Variants in ABI3BP observed in about 807,000 individuals in gnomAD.
ABI3BP encodes the protein ABI family member 3 binding protein.
In ABI3BP, 216 loss-of-function variants were observed where a neutral mutation model predicts 268.6. That is an observed-to-expected ratio of 0.80 (90% CI 0.72 to 0.90). The LOEUF (loss-of-function observed/expected upper bound fraction) is 0.90, where lower values mean the gene tolerates loss of function less well. ABI3BP is among the 40% of genes least tolerant of loss of function. The pLI, the probability that ABI3BP is intolerant of heterozygous loss-of-function variation, is 0.00. For synonymous variants in ABI3BP, 730 were observed against 730.0 expected (o/e 1.00, Z 0.00); for missense variants, 2,090 against 2,182.4 (o/e 0.96, Z 0.84).
At chr3:100,947,251 GA>G (rs1388292318) in intron 1 of ABI3BP, among the ~76,000 whole-genome samples, 1 of 152,118 alleles carries the variant, frequency 6.6e-6, no homozygotes, top group Non-Finnish European at 1.5e-5. Flanking sequence ...GTGAGAAAAA[GA>G]AAGTCAAAGT....
chr3:100,753,041 C>CT (rs151209127), intron 65 of ABI3BP, 93 bp from the exon 66 acceptor site: 2 of 1,205,780 alleles, frequency 1.7e-6, no homozygotes, highest in Admixed American at 2.6e-5. Context: ...TTGCTGATAC[C>CT]TTTTTTTCCC....
chr3:100,810,338 G>T, intron 49 of ABI3BP, 74 bp downstream of exon 49: 1 of 1,295,380 alleles, frequency 7.7e-7, no homozygotes, highest in Non-Finnish European at 1.1e-6. Flanking sequence ...CAGGGCCTCT[G>T]ATATCTTGAG....
Position 100,838,425 on chromosome 3 carries a change from G to C in ABI3BP, c.1985C>G (p.Pro662Arg), listed in dbSNP as rs139646476. The C allele has an allele frequency of 2.0e-6, 3 of 1,535,742 alleles. No homozygotes were observed. Among genetic ancestry groups the C allele is most frequent in the East Asian group, 4.9e-5 (2 of 40,894 alleles). The change falls in exon 25 of 68, where the codon CCA becomes CGA. Residue 662 changes from proline to arginine, a missense_variant. Coordinates refer to ENST00000471714, the MANE Select transcript of ABI3BP (RefSeq NM_001375547.2). Reference sequence around the variant, plus strand: ...ACCAGGCTGAATTTGAGGTGCATCTGGTCTGTGTGTGGTTTTAGGTCTCTC... The same window carrying C: ...ACCAGGCTGAATTTGAGGTGCATCTCGTCTGTGTGTGGTTTTAGGTCTCTC... ...PSERPKTTHRPDAPQIQPGSK... is the reference protein window; with the variant it reads ...PSERPKTTHRRDAPQIQPGSK...
At chr3:100,864,692 A>G in intron 11 of ABI3BP, 141 bp downstream of exon 11, 2 of 638,856 alleles carry the variant, frequency 3.1e-6, no homozygotes, top group Non-Finnish European at 5.4e-6. Flanking sequence ...AGGAAGGTTA[A>G]CCACTGCCAG....
chr3:100,781,845 G>A (rs2096873948), intron 57 of ABI3BP, among the ~76,000 whole-genome samples: 1 of 152,118 alleles, frequency 6.6e-6, no homozygotes, highest in Non-Finnish European at 1.5e-5. Flanking sequence ...AACCGTCTGT[G>A]TGTGGAATAT....
At chr3:100,976,676 G>T (rs1375576060) in intron 1 of ABI3BP, among the ~76,000 whole-genome samples, 1 of 152,224 alleles carries the variant, frequency 6.6e-6, no homozygotes, top group Non-Finnish European at 1.5e-5. Flanking sequence ...CATGGCATAA[G>T]TTTCAAGATG....
At chr3:100,894,595 A>G (rs1405542853) in intron 4 of ABI3BP, among the ~76,000 whole-genome samples, 1 of 152,140 alleles carries the variant, frequency 6.6e-6, no homozygotes, top group African/African-American at 2.4e-5. Flanking sequence ...AAAAGGCAAG[A>G]GAGTCTGCTC....
chr3:100,782,313 C>T (rs890730128), intron 57 of ABI3BP, among the ~76,000 whole-genome samples: 10 of 152,084 alleles, frequency 6.6e-5, no homozygotes, highest in Non-Finnish European at 1.2e-4. Flanking sequence ...TTACATTATA[C>T]GTAAGACCAA....
At chr3:100,751,410 C>A (rs950850873) in intron 67 of ABI3BP, 142 bp downstream of exon 67, 88 of 885,964 alleles carry the variant, frequency 9.9e-5, no homozygotes, top group Non-Finnish European at 1.2e-4. Context: ...GAGAAACTTA[C>A]ATTGAAGTCT....
At position 100,914,184 on chromosome 3, in the gene ABI3BP, A is replaced by T. The variant is rs182628883; in HGVS notation, c.260-11498T>A. On this transcript the variant is annotated intron_variant, in intron 2 of 67. Transcript: ENST00000471714. ...GTATGTTTTCATGTGGAAAAAAAAA[A>T]CTTTTCCTTCTTTGCCTGAAAAATA... Among the ~76,000 whole-genome samples the T allele has an allele frequency of 2.4e-3, 369 of 152,294 alleles. 1 individual carries two copies. The highest frequency in any genetic ancestry group is 8.4e-3 in the African/African-American group (349 of 41,552).
chr3:100,886,066 A>C, intron 5 of ABI3BP, 76 bp downstream of exon 5: 1 of 1,141,608 alleles, frequency 8.8e-7, no homozygotes, highest in African/African-American at 1.6e-5. Flanking sequence ...TATACAATGA[A>C]TAACATAATT....
chr3:100,912,966 G>A (rs567405559), intron 2 of ABI3BP, among the ~76,000 whole-genome samples: 72 of 152,308 alleles, frequency 4.7e-4, no homozygotes, highest in African/African-American at 1.6e-3. Flanking sequence ...GGTAGATGAA[G>A]GGGAGAAGGG....
intron 30 of ABI3BP, 86 bp downstream of exon 30, chr3:100,833,039 A>G (rs1560572664): frequency 3.5e-6 from 4 of 1,146,486 alleles, no homozygotes; most frequent in Non-Finnish European, 4.9e-6. Context: ...ACAACAAAAG[A>G]TGGTACAATA....
At chr3:100,980,602 G>A (rs1019501265) in intron 1 of ABI3BP, among the ~76,000 whole-genome samples, 9 of 152,346 alleles carry the variant, frequency 5.9e-5, no homozygotes, top group African/African-American at 1.7e-4. Flanking sequence ...TGGGAAAGAA[G>A]AGGGTTGTAA....
intron 1 of ABI3BP, among the ~76,000 whole-genome samples, chr3:100,943,238 T>C (rs1465772099): frequency 2.6e-5 from 4 of 152,112 alleles, no homozygotes; most frequent in African/African-American, 9.7e-5. Context: ...ATTCCTGTCT[T>C]ACTCATTTAT....
chr3:100,835,559 G>A, intron 28 of ABI3BP, 42 bp downstream of exon 28: 1 of 1,440,052 alleles, frequency 6.9e-7, no homozygotes, highest in Non-Finnish European at 9.4e-7. Flanking sequence ...ACTAGACAAT[G>A]AGCAGAAAAA....
chr3:100,810,345 TGA>T, intron 49 of ABI3BP, 65 bp downstream of exon 49: 2 of 1,360,644 alleles, frequency 1.5e-6, no homozygotes, highest in South Asian at 1.3e-5. Context: ...TCTGATATCT[TGA>T]GGTGACCATA....
chr3:100,993,398 C>G lies in ABI3BP; in HGVS notation c.-14G>C. On this transcript the variant is annotated 5_prime_UTR_variant, in exon 1 of 68. Coordinates refer to ENST00000471714, the MANE Select transcript of ABI3BP (RefSeq NM_001375547.2). ...ACTGGAGAGCATGTTGCATTTGCCA[C>G]CTCGCATGGGGAATGATGCTGGTGG... 8.4e-6 allele frequency: 13 copies of G among 1,551,736 alleles called. No individual in the cohort carries two copies. The highest frequency in any genetic ancestry group is 1.0e-5 in the Non-Finnish European group (12 of 1,146,836).
chr3:100,755,597 C>T (rs11920831), intron 63 of ABI3BP, among the ~76,000 whole-genome samples: 13 of 152,278 alleles, frequency 8.5e-5, no homozygotes, highest in African/African-American at 1.9e-4. Flanking sequence ...TTATAAGTTC[C>T]GTTGATTGTA....
Sources: allele counts gnomAD v4.1 joint callset (sites outside exome capture counted in the v4.1 genomes callset), GRCh38; gene constraint gnomAD v4.1.1; transcripts MANE v1.5; gene names NCBI Gene and HGNC (gene_info 2026-07-23, HGNC 2026-07-21).